The following VWA8 variants were observed in gnomAD, a reference collection of about 807,000 sequenced individuals.
VWA8 encodes the protein von Willebrand factor A domain-containing protein 8.
In VWA8, 221 loss-of-function variants were observed where a neutral mutation model predicts 241.5. That is an observed-to-expected ratio of 0.91 (90% CI 0.82 to 1.02). VWA8 has a LOEUF of 1.02. VWA8 is among the 50% of genes least tolerant of loss of function. The pLI is 0.00. For missense variants in VWA8, 2,322 were observed against 2,328.7 expected, an observed-to-expected ratio of 1.00 and a Z score of 0.06; for synonymous variants, 852 against 827.1, an observed-to-expected ratio of 1.03 and a Z score of -0.52.
intron 2 of VWA8, among the ~76,000 whole-genome samples, chr13:41,928,058 A>G (rs1876932350): frequency 6.6e-6 from 1 of 152,240 alleles, no homozygotes; most frequent in African/African-American, 2.4e-5. Flanking sequence ...GAACATAACA[A>G]TTATAAATAT....
chr13:41,645,466 C>G (rs993757871), intron 37 of VWA8, among the ~76,000 whole-genome samples: 1 of 152,152 alleles, frequency 6.6e-6, no homozygotes, highest in Non-Finnish European at 1.5e-5. Context: ...TTCAGTTTTG[C>G]TACAAATATT....
intron 35 of VWA8, among the ~76,000 whole-genome samples, chr13:41,682,270 C>T (rs80295873): frequency 1.7e-3 from 259 of 152,208 alleles, no homozygotes; most frequent in African/African-American, 5.0e-3. Context: ...AAAAGAGAAA[C>T]GACAGGACAG....
chr13:41,602,655 G>A (rs2044529045), intron 40 of VWA8, among the ~76,000 whole-genome samples: 1 of 152,134 alleles, frequency 6.6e-6, no homozygotes, highest in African/African-American at 2.4e-5. Flanking sequence ...TAACAATGAA[G>A]TGAATCCTTC....
At chr13:41,757,883 T>C (rs2137901251) in intron 21 of VWA8, among the ~76,000 whole-genome samples, 1 of 151,854 alleles carries the variant, frequency 6.6e-6, no homozygotes, top group East Asian at 1.9e-4. Flanking sequence ...TCTTAACATT[T>C]AATGCCTAAC....
chr13:41,866,030 C>T lies in VWA8; in HGVS notation c.1219G>A (p.Ala407Thr), dbSNP rs1172769893. ...ADKEVTIKVP[A>T]GTRLLSQPCA... is the part of the protein sequence containing the mutation. ...GGTTGACTTAATAGCCTGGTCCCGG[C>T]TGGCACCTATAATTAAAGAGAGGTC... Residue 407 changes from alanine to threonine, a missense_variant, in exon 11 of 45, where the codon GCC becomes ACC. Transcript: ENST00000379310. The T allele has an allele frequency of 6.2e-6, 10 of 1,613,758 alleles. No homozygotes were observed. The Admixed American group carries it at 1.7e-4, about 27-fold the overall frequency.
At chr13:41,935,458 G>A (rs977192288) in intron 2 of VWA8, among the ~76,000 whole-genome samples, 3 of 151,972 alleles carry the variant, frequency 2.0e-5, no homozygotes, top group African/African-American at 4.8e-5. Context: ...TTATTTTTGT[G>A]GGTCAGGTCA....
rs192454769 is a variant in VWA8, at chr13:41,705,936, G to A, written c.3117-2525C>T. On this transcript the variant is annotated intron_variant, in intron 26 of 44. Transcript: ENST00000379310. ...GCTTTATTAAAGCATATAAAAACAA[G>A]CTCTGAATACATCCCAAATTGGTTC... 3.0e-3 allele frequency among the ~76,000 whole-genome samples: 457 copies of A among 152,190 alleles called. 2 individuals are homozygous for A. The highest frequency in any genetic ancestry group is 0.01 in the African/African-American group (428 of 41,508).
At chr13:41,883,562 A>C in intron 8 of VWA8, 71 bp from the exon 9 acceptor site, 3 of 1,163,556 alleles carry the variant, frequency 2.6e-6, no homozygotes, top group Non-Finnish European at 3.8e-6. Context: ...TGAAATGTAC[A>C]TATGACATTA....
At chr13:41,638,491 G>T (rs1291923966) in intron 37 of VWA8, among the ~76,000 whole-genome samples, 1 of 152,152 alleles carries the variant, frequency 6.6e-6, no homozygotes, top group African/African-American at 2.4e-5. Flanking sequence ...CAGACAAGAG[G>T]GAAGCTGGGA....
intron 20 of VWA8, among the ~76,000 whole-genome samples, chr13:41,764,659 T>C (rs2137911367): frequency 6.6e-6 from 1 of 152,190 alleles, no homozygotes. Context: ...TAGAACAGTA[T>C]GTGTCAAGAC....
At chr13:41,795,862 G>T (rs928377753) in intron 17 of VWA8, among the ~76,000 whole-genome samples, 2 of 152,086 alleles carry the variant, frequency 1.3e-5, no homozygotes, top group Non-Finnish European at 2.9e-5. Flanking sequence ...ATACCTAGGT[G>T]ATGGGTTGAT....
At chr13:41,596,603 CTAA>C (rs1032165831) in intron 40 of VWA8, among the ~76,000 whole-genome samples, 2 of 152,096 alleles carry the variant, frequency 1.3e-5, no homozygotes, top group East Asian at 1.9e-4. Flanking sequence ...TAAATTCACA[CTAA>C]TGAGAGTTCA....
chr13:41,951,621 T>C (rs1878144371), intron 1 of VWA8, among the ~76,000 whole-genome samples: 1 of 152,328 alleles, frequency 6.6e-6, no homozygotes, highest in Non-Finnish European at 1.5e-5. Context: ...CATTTGCATC[T>C]AGAATTTCAT....
chr13:41,960,163 T>A (rs1878544735), intron 1 of VWA8, among the ~76,000 whole-genome samples: 1 of 152,196 alleles, frequency 6.6e-6, no homozygotes. Flanking sequence ...CAAAAAATAC[T>A]GAGCTTAGAA....
chr13:41,947,931 C>CAAAA (rs1218456579), intron 2 of VWA8, among the ~76,000 whole-genome samples: 20 of 20,560 alleles, frequency 9.7e-4, no homozygotes, highest in African/African-American at 2.2e-3. Flanking sequence ...GACCCTGTCT[C>CAAAA]AAAAAAAAAA....
chr13:41,685,330 A>T lies in VWA8; in HGVS notation c.4132-88T>A. ...CAACGCAGCCCTTTAAGCAGATACT[A>T]GTGGGAAACTAATGTTTCACAGGTA... On this transcript the variant is annotated intron_variant, in intron 34 of 44. Transcript: ENST00000379310. The T allele has an allele frequency of 2.5e-6, 3 of 1,212,572 alleles. No individual in the cohort carries two copies. The South Asian group carries it at 4.7e-5, about 19-fold the overall frequency. 75.1% of individuals were successfully genotyped at this position (1,212,572 alleles called of 1,614,324 possible).
chr13:41,871,596 A>G (rs1444914461), intron 9 of VWA8, among the ~76,000 whole-genome samples: 1 of 151,952 alleles, frequency 6.6e-6, no homozygotes, highest in Non-Finnish European at 1.5e-5. Flanking sequence ...GAGAATGATG[A>G]TTTCCAATTT....
At chr13:41,770,183 C>T (rs1231345264) in intron 20 of VWA8, among the ~76,000 whole-genome samples, 1 of 151,616 alleles carries the variant, frequency 6.6e-6, no homozygotes, top group African/African-American at 2.4e-5. Context: ...CGCGGTGGCT[C>T]ACGCCTGTAA....
At chr13:41,863,460 C>CAA (rs1873141246) in intron 12 of VWA8, among the ~76,000 whole-genome samples, 1 of 121,198 alleles carries the variant, frequency 8.3e-6, no homozygotes, top group African/African-American at 2.8e-5. Flanking sequence ...TATATTCACA[C>CAA]ACACACACAC....
Sources: allele counts gnomAD v4.1 joint callset (sites outside exome capture counted in the v4.1 genomes callset), GRCh38; gene constraint gnomAD v4.1.1; transcripts MANE v1.5; gene names NCBI Gene and HGNC (gene_info 2026-07-23, HGNC 2026-07-21).